Variants in KCNQ1 observed in about 807,000 individuals in gnomAD.
KCNQ1 encodes potassium voltage-gated channel subfamily KQT member 1.
KCNQ1 carries 49 observed loss-of-function variants against 72.4 expected under a neutral mutation model. The observed-to-expected ratio is 0.68, with a 90% CI of 0.54 to 0.86. The LOEUF (loss-of-function observed/expected upper bound fraction) is 0.86. Among genes scored for constraint, KCNQ1 ranks in the 40% least tolerant of loss-of-function variants. The pLI is 0.00. For missense variants in KCNQ1, 790 were observed against 945.1 expected (o/e 0.84, Z 2.15); for synonymous variants, 450 against 412.6 (o/e 1.09, Z -1.10).
At chr11:2,574,376 G>A (rs191103465) in intron 6 of KCNQ1, among the ~76,000 whole-genome samples, 135 of 152,274 alleles carry the variant, frequency 8.9e-4, no homozygotes, top group African/African-American at 2.9e-3. Context: ...AGATGGAATC[G>A]TGGTAGCAAC....
Position 2,668,994 on chromosome 11 carries a change from G to A in KCNQ1, c.1514+6913G>A. On this transcript the variant is annotated intron_variant, in intron 11 of 15. Transcript: ENST00000155840. The surrounding 1 kb of genome is among the most constrained non-coding windows in gnomAD (Gnocchi z 4.3). ...TGTCCAATGTGAGGCCGAGGTCAAGGTCCACTCTTCCCCTACTTGGATATC... is the reference window on the plus strand; with the variant it reads ...TGTCCAATGTGAGGCCGAGGTCAAGATCCACTCTTCCCCTACTTGGATATC... 1 of 398,474 alleles carries A rather than the reference G, an allele frequency of 2.5e-6. No homozygotes were observed. Among genetic ancestry groups the A allele is most frequent in the Admixed American group, 4.4e-5 (1 of 22,728 alleles). The allele number at this position is 398,474 out of a possible 1,614,324, so 24.7% of individuals were successfully genotyped here. A position where few individuals can be genotyped will look rare whatever the true frequency, so the allele number is the denominator to read the frequency against.
chr11:2,554,625 C>T (rs1410937691), intron 2 of KCNQ1, among the ~76,000 whole-genome samples: 4 of 152,168 alleles, frequency 2.6e-5, no homozygotes, highest in Non-Finnish European at 4.4e-5. Context: ...GTAAGGGGCA[C>T]GGGGGACAAA....
intron 11 of KCNQ1, among the ~76,000 whole-genome samples, chr11:2,736,913 G>C (rs1038527191): frequency 2.0e-5 from 3 of 152,124 alleles, no homozygotes; most frequent in Admixed American, 2.0e-4. Flanking sequence ...GGCCTGCCTC[G>C]GGCTACCCTG....
intron 15 of KCNQ1, among the ~76,000 whole-genome samples, chr11:2,800,773 T>C (rs545395265): frequency 2.0e-5 from 3 of 152,268 alleles, no homozygotes; most frequent in East Asian, 3.9e-4. Context: ...GAGATCCCCA[T>C]TGAGCACGGA....
At position 2,796,757 on chromosome 11, in the gene KCNQ1, C is replaced by T. The variant is rs568415934; in HGVS notation, c.1794+18720C>T. Among the ~76,000 whole-genome samples the T allele has an allele frequency of 3.9e-5, 6 of 152,330 alleles. No individual in the cohort carries two copies. In the East Asian group the frequency reaches 1.2e-3, roughly 30 times the overall value. ...AGACAGAGACTGGGAGCCATTCTTC[C>T]CGGCGGCAGCGGCTCTCGGCCTGTC... On this transcript the variant is annotated intron_variant, in intron 15 of 15. Coordinates refer to ENST00000155840, the MANE Select transcript of KCNQ1 (RefSeq NM_000218.3).
intron 10 of KCNQ1, among the ~76,000 whole-genome samples, chr11:2,606,417 C>T (rs1047520824): frequency 6.6e-6 from 1 of 152,126 alleles, no homozygotes; most frequent in Non-Finnish European, 1.5e-5. Flanking sequence ...TGGCTTGGTA[C>T]CATCCCCGTG....
In KCNQ1 at chr11:2,565,748, A is replaced by T. The variant is rs998573035; in HGVS notation, c.478-4880A>T. 6.6e-6 allele frequency among the ~76,000 whole-genome samples: 1 copy of T among 152,208 alleles called. No individual in the cohort carries two copies. Among genetic ancestry groups the T allele is most frequent in the Non-Finnish European group, 1.5e-5 (1 of 68,030 alleles). ...ATGTGGAGTGCAGTGGCATCAGCCA[A>T]GGCTCCGAGGCGTTTCTTCCCACTT... On this transcript the variant is annotated intron_variant, in intron 2 of 15. Coordinates refer to ENST00000155840, the MANE Select transcript of KCNQ1 (RefSeq NM_000218.3). This position sits in a 1 kb window ranked among gnomAD's most constrained non-coding sequence, Gnocchi z 5.6.
rs1850317307 is a variant in KCNQ1 at position 2,677,660 on chromosome 11, G to A, written c.1514+15579G>A. 3 of 398,328 alleles carry A rather than the reference G, an allele frequency of 7.5e-6. No homozygotes were observed. Among genetic ancestry groups the A allele is most frequent in the East Asian group, 3.6e-5 (1 of 28,080 alleles). 24.7% of individuals were successfully genotyped at this position (398,328 alleles called of 1,614,324 possible). On this transcript the variant is annotated intron_variant, in intron 11 of 15. Transcript: ENST00000155840. This position sits in a 1 kb window ranked among gnomAD's most constrained non-coding sequence, Gnocchi z 4.5. ...AACTCTAACAACTGTTATTGCATATGAGATAAAATAATATTTTAACTACTG... is the reference window on the plus strand; with the variant it reads ...AACTCTAACAACTGTTATTGCATATAAGATAAAATAATATTTTAACTACTG...
intron 15 of KCNQ1, among the ~76,000 whole-genome samples, chr11:2,786,909 C>G (rs1272308714): frequency 7.2e-6 from 1 of 139,674 alleles, no homozygotes; most frequent in Non-Finnish European, 1.6e-5. Flanking sequence ...TTGATTTTTT[C>G]TTCTGCTGAC....
rs1253517088 is a variant in KCNQ1, at chr11:2,658,549, A to C, written c.1394-3412A>C. ...GCTCATCTTTTATTTTCCCTACCCT[A>C]GCCCTAGAATCATCCATTCATCCAG... On this transcript the variant is annotated intron_variant, in intron 10 of 15. Transcript: ENST00000155840. The surrounding 1 kb of genome is among the most constrained non-coding windows in gnomAD (Gnocchi z 4.9). 2.6e-6 allele frequency: 1 copy of C among 388,964 alleles called. No individual in the cohort carries two copies. The highest frequency in any genetic ancestry group is 2.2e-5 in the African/African-American group (1 of 46,334). 24.1% of individuals were successfully genotyped at this position (388,964 alleles called of 1,614,324 possible). A position where few individuals can be genotyped will look rare whatever the true frequency, so the allele number is the denominator to read the frequency against.
rs756755586 is a variant in KCNQ1, at chr11:2,787,733, C to A, written c.1794+9696C>A. 6.6e-6 allele frequency among the ~76,000 whole-genome samples: 1 copy of A among 151,982 alleles called. No homozygotes were observed. Among genetic ancestry groups the A allele is most frequent in the Non-Finnish European group, 1.5e-5 (1 of 68,006 alleles). On this transcript the variant is annotated intron_variant, in intron 15 of 15. Transcript: ENST00000155840. This position sits in a 1 kb window ranked among gnomAD's most constrained non-coding sequence, Gnocchi z 6.3. ...ATTTTACACATTTCAATTTAGACAC[C>A]GAGTTTTCATGAGAACGACTTGGTC...
At chr11:2,510,304 T>C (rs866275193) in intron 1 of KCNQ1, among the ~76,000 whole-genome samples, 2 of 151,176 alleles carry the variant, frequency 1.3e-5, no homozygotes, top group Non-Finnish European at 2.9e-5. Context: ...TTTAAATAAA[T>C]AAATAAAGGT....
At chr11:2,754,061 T>C (rs1306895799) in intron 11 of KCNQ1, among the ~76,000 whole-genome samples, 1 of 152,210 alleles carries the variant, frequency 6.6e-6, no homozygotes, top group Non-Finnish European at 1.5e-5. Flanking sequence ...CAGGAACACA[T>C]GCACATGAAC....
At chr11:2,701,386 C>T (rs1266509900) in intron 11 of KCNQ1, among the ~76,000 whole-genome samples, 2 of 152,196 alleles carry the variant, frequency 1.3e-5, no homozygotes, top group Admixed American at 6.5e-5. Flanking sequence ...CCCTGGGCGC[C>T]TGTCCCTTCG....
chr11:2,460,624 G>A (rs779646084), intron 1 of KCNQ1, among the ~76,000 whole-genome samples: 1 of 152,200 alleles, frequency 6.6e-6, no homozygotes, highest in African/African-American at 2.4e-5. Flanking sequence ...GTGGACCTTG[G>A]ACCGCAAATT....
chr11:2,546,832 A>G (rs896828921), intron 2 of KCNQ1, among the ~76,000 whole-genome samples: 2 of 152,194 alleles, frequency 1.3e-5, no homozygotes, highest in Non-Finnish European at 2.9e-5. Flanking sequence ...AAGTCAACAC[A>G]TTTGTCATTA....
rs112399237 is a variant in KCNQ1 at position 2,633,921 on chromosome 11, C to A, written c.1394-28040C>A. 43 of 398,550 alleles carry A rather than the reference C, an allele frequency of 1.1e-4. 1 individual carries two copies. The highest frequency in any genetic ancestry group is 7.0e-4 in the African/African-American group (34 of 48,742). 24.7% of individuals were successfully genotyped at this position (398,550 alleles called of 1,614,324 possible). ...ACTTTTGTGAATATTGCATTCTATCCTTGTTAGATTATGGGGAAAATCCAC... is the reference window on the plus strand; with the variant it reads ...ACTTTTGTGAATATTGCATTCTATCATTGTTAGATTATGGGGAAAATCCAC... On this transcript the variant is annotated intron_variant, in intron 10 of 15. Coordinates refer to ENST00000155840, the MANE Select transcript of KCNQ1 (RefSeq NM_000218.3).
intron 1 of KCNQ1, among the ~76,000 whole-genome samples, chr11:2,490,745 A>G (rs1255463785): frequency 3.3e-5 from 5 of 152,116 alleles, no homozygotes; most frequent in Admixed American, 1.3e-4. Flanking sequence ...CTAGAGCGCA[A>G]TGGTGTGATC....
At chr11:2,684,901 A>G in intron 11 of KCNQ1, 1 of 398,656 alleles carries the variant, frequency 2.5e-6, no homozygotes, top group Non-Finnish European at 4.4e-6. Flanking sequence ...CTACATCATA[A>G]GGTAGGTAAG....
Sources: gnomAD v4.1 joint callset for allele counts (sites outside exome capture counted in the v4.1 genomes callset) on GRCh38, gnomAD v4.1.1 for gene constraint, Gnocchi (gnomAD v3.1) non-coding constraint, MANE v1.5 for transcripts, NCBI Gene and HGNC (gene_info 2026-07-23, HGNC 2026-07-21) for gene names.